Variants in SH3BGRL2 observed in about 807,000 individuals in gnomAD.
SH3BGRL2 encodes the protein SH3 domain-binding glutamic acid-rich-like protein 2.
SH3BGRL2 carries 21 observed loss-of-function variants against 14.8 expected under a neutral mutation model. That is an observed-to-expected ratio of 1.42 (90% CI 1.01 to 2.05). The LOEUF is 2.05. Among genes scored for constraint, SH3BGRL2 ranks in the 30% most tolerant of loss-of-function variants. The pLI is 0.00. For missense variants in SH3BGRL2, 147 were observed against 130.8 expected, an observed-to-expected ratio of 1.12 and a Z score of -0.61; for synonymous variants, 50 against 47.8, an observed-to-expected ratio of 1.05 and a Z score of -0.19.
chr6:79,549,278 A>G, the SH3BGRL2 span, among the ~76,000 whole-genome samples: 4 of 152,158 alleles, frequency 2.6e-5, no homozygotes, highest in African/African-American at 9.7e-5. Context: ...ACAGCCCAAA[A>G]TTTCATAGGT....
chr6:79,537,732 T>C, the SH3BGRL2 span, among the ~76,000 whole-genome samples: 8 of 152,314 alleles, frequency 5.3e-5, no homozygotes, highest in East Asian at 7.7e-4. Flanking sequence ...TGATATGAAT[T>C]GTAAAATTGG....
intron 1 of SH3BGRL2, among the ~76,000 whole-genome samples, chr6:79,647,248 G>C (rs1286972346): frequency 6.6e-6 from 1 of 151,436 alleles, no homozygotes; most frequent in Non-Finnish European, 1.5e-5. Flanking sequence ...AGAATGCAGT[G>C]GTATCTCAGT....
At chr6:79,658,984 G>T (rs1769483216) in intron 1 of SH3BGRL2, among the ~76,000 whole-genome samples, 1 of 151,882 alleles carries the variant, frequency 6.6e-6, no homozygotes, top group South Asian at 2.1e-4. Flanking sequence ...CTTTTTGATG[G>T]GGTTGTTTTT....
At chr6:79,567,137 A>C in the SH3BGRL2 span, among the ~76,000 whole-genome samples, 1 of 152,140 alleles carries the variant, frequency 6.6e-6, no homozygotes, top group Admixed American at 6.5e-5. Flanking sequence ...TATGTCACCA[A>C]GTTAATTCAT....
the SH3BGRL2 span, among the ~76,000 whole-genome samples, chr6:79,548,183 A>G: frequency 6.6e-6 from 1 of 152,140 alleles, no homozygotes; most frequent in African/African-American, 2.4e-5. Flanking sequence ...GTAATTTTGT[A>G]TCATGAGTTT....
the SH3BGRL2 span, among the ~76,000 whole-genome samples, chr6:79,597,244 A>G: frequency 1.3e-5 from 2 of 151,608 alleles, no homozygotes; most frequent in Non-Finnish European, 2.9e-5. Context: ...AAAAAGAAGA[A>G]AGAAGAAGAA....
the SH3BGRL2 span, among the ~76,000 whole-genome samples, chr6:79,545,087 CG>C: frequency 6.6e-6 from 1 of 152,154 alleles, no homozygotes; most frequent in East Asian, 1.9e-4. Flanking sequence ...ATGCTGAAGT[CG>C]TCAAGCTTCT....
chr6:79,661,119 T>A (rs1242791312), intron 1 of SH3BGRL2, among the ~76,000 whole-genome samples: 3 of 152,170 alleles, frequency 2.0e-5, no homozygotes. Context: ...CTTTTTTGTG[T>A]CTCTATCTCC....
chr6:79,687,851 A>G (rs1467633489), intron 2 of SH3BGRL2, among the ~76,000 whole-genome samples: 11 of 152,074 alleles, frequency 7.2e-5, no homozygotes, highest in Admixed American at 5.9e-4. Context: ...CCAGTTTTCT[A>G]TTTGGTTATG....
At chr6:79,640,813 T>C (rs1002088286) in intron 1 of SH3BGRL2, among the ~76,000 whole-genome samples, 2 of 152,078 alleles carry the variant, frequency 1.3e-5, no homozygotes, top group African/African-American at 4.8e-5. Flanking sequence ...TCCTACTGGG[T>C]CATGGCCCAA....
At chr6:79,695,374 A>C (rs902133049) in intron 2 of SH3BGRL2, among the ~76,000 whole-genome samples, 9 of 152,232 alleles carry the variant, frequency 5.9e-5, no homozygotes, top group Non-Finnish European at 1.0e-4. Flanking sequence ...TGTACACAGA[A>C]CCAAATAATT....
intron 2 of SH3BGRL2, among the ~76,000 whole-genome samples, chr6:79,694,988 A>G (rs9448763): frequency 0.037 from 5,652 of 152,098 alleles, 364 homozygotes; most frequent in African/African-American, 0.13. Flanking sequence ...CAAAACCCTT[A>G]TATGATTTCT....
At chr6:79,664,255 G>T (rs1034833752) in intron 1 of SH3BGRL2, among the ~76,000 whole-genome samples, 2 of 152,184 alleles carry the variant, frequency 1.3e-5, no homozygotes, top group Non-Finnish European at 2.9e-5. Flanking sequence ...CATCGATCAC[G>T]CTGGGATCTG....
the SH3BGRL2 span, among the ~76,000 whole-genome samples, chr6:79,547,737 A>G: frequency 2.6e-5 from 4 of 152,234 alleles, no homozygotes; most frequent in Non-Finnish European, 4.4e-5. Flanking sequence ...AAATGTTTCA[A>G]TGATGAGACT....
chr6:79,592,374 A>G, the SH3BGRL2 span, among the ~76,000 whole-genome samples: 2 of 152,202 alleles, frequency 1.3e-5, no homozygotes, highest in African/African-American at 4.8e-5. Context: ...CAAAAAGCTC[A>G]CATTTCAACA....
Position 79,663,538 on chromosome 6 carries a change from C to T in SH3BGRL2, c.46-10076C>T, listed in dbSNP as rs1044662217. 6.6e-5 allele frequency among the ~76,000 whole-genome samples: 10 copies of T among 152,134 alleles called. No homozygotes were observed. The East Asian group carries it at 7.7e-4, about 12-fold the overall frequency. ...TACTCCCTGATCCTTCCTCTGGAAG[C>T]GTCGTCCCAGAGGGGCACCCGCCTG... is the stretch of plus-strand genomic sequence containing the variant. On this transcript the variant is annotated intron_variant, in intron 1 of 3. Transcript: ENST00000369838.
chr6:79,664,307 T>G (rs951352482), intron 1 of SH3BGRL2, among the ~76,000 whole-genome samples: 1 of 152,196 alleles, frequency 6.6e-6, no homozygotes, highest in African/African-American at 2.4e-5. Context: ...GGAACGGACT[T>G]GTGATTGGAT....
chr6:79,557,255 T>G, the SH3BGRL2 span, among the ~76,000 whole-genome samples: 1 of 151,706 alleles, frequency 6.6e-6, no homozygotes, highest in Non-Finnish European at 1.5e-5. Flanking sequence ...AATTTATATT[T>G]TTATAATTTT....
the SH3BGRL2 span, among the ~76,000 whole-genome samples, chr6:79,558,914 G>A: frequency 1.3e-5 from 2 of 152,258 alleles, no homozygotes; most frequent in South Asian, 4.2e-4. Flanking sequence ...AAAGGAAGCA[G>A]GAGGAGGAGA....
Sources: allele counts gnomAD v4.1 joint callset (sites outside exome capture counted in the v4.1 genomes callset), GRCh38; gene constraint gnomAD v4.1.1; transcripts MANE v1.5; gene names NCBI Gene and HGNC (gene_info 2026-07-23, HGNC 2026-07-21).